The following GPR176 variants were observed in gnomAD, a reference collection of about 807,000 sequenced individuals.
GPR176 encodes G protein-coupled receptor 176.
In GPR176, 26 loss-of-function variants were observed where a neutral mutation model predicts 35.4. The ratio of observed to expected loss-of-function variants is 0.74; its 90% CI spans 0.54 to 1.02. The LOEUF is 1.02. Ranked by LOEUF, GPR176 falls within the 50% of genes least tolerant of loss-of-function variation. The pLI, the probability that GPR176 is intolerant of heterozygous loss-of-function variation, is 0.00. For missense variants in GPR176, 597 were observed against 665.3 expected (o/e 0.90, Z 1.13); for synonymous variants, 278 against 271.3 (o/e 1.02, Z -0.24).
At chr15:39,876,376 C>T (rs2140843925) in intron 1 of GPR176, among the ~76,000 whole-genome samples, 1 of 151,996 alleles carries the variant, frequency 6.6e-6, no homozygotes, top group Middle Eastern at 3.4e-3. Flanking sequence ...AAATCCATTG[C>T]TACTACCCTC....
intron 1 of GPR176, among the ~76,000 whole-genome samples, chr15:39,812,795 G>A (rs1331857628): frequency 1.3e-5 from 2 of 149,424 alleles, no homozygotes; most frequent in African/African-American, 2.5e-5. Flanking sequence ...AGTCTGGAGT[G>A]CAGTGGCATG....
intron 1 of GPR176, among the ~76,000 whole-genome samples, chr15:39,812,751 T>TG (rs886432987): frequency 6.6e-6 from 1 of 151,878 alleles, no homozygotes; most frequent in East Asian, 1.9e-4. Context: ...CTTTATTTTT[T>TG]TTTTTTTTGA....
At chr15:39,822,901 A>C (rs1900371402) in intron 1 of GPR176, among the ~76,000 whole-genome samples, 1 of 152,212 alleles carries the variant, frequency 6.6e-6, no homozygotes, top group Non-Finnish European at 1.5e-5. Flanking sequence ...ACTGAGGGCT[A>C]GGCCTATGGG....
chr15:39,804,210 T>C (rs1416350422), intron 2 of GPR176, among the ~76,000 whole-genome samples: 2 of 152,168 alleles, frequency 1.3e-5, no homozygotes, highest in African/African-American at 4.8e-5. Context: ...AATAATGTTC[T>C]TAGTGTGTAC....
At chr15:39,835,814 C>T (rs1348616194) in intron 1 of GPR176, among the ~76,000 whole-genome samples, 2 of 151,490 alleles carry the variant, frequency 1.3e-5, no homozygotes, top group African/African-American at 2.4e-5. Context: ...GAGTTTCAGG[C>T]CTGACATGGT....
chr15:39,915,817 T>C (rs922949945), intron 1 of GPR176, among the ~76,000 whole-genome samples: 1 of 152,102 alleles, frequency 6.6e-6, no homozygotes, highest in African/African-American at 2.4e-5. Flanking sequence ...GAGGCAGAGG[T>C]TGCAGTGAGC....
rs1187682020 is a variant in GPR176, at chr15:39,919,902, T to A, written c.125A>T (p.Gln42Leu). The A allele has an allele frequency of 3.4e-5, 52 of 1,524,696 alleles. No homozygotes were observed. In the Admixed American group the frequency reaches 5.8e-4, roughly 17 times the overall value. The allele number at this position is 1,524,696 out of a possible 1,614,324, so 94.4% of individuals were successfully genotyped here. A position where few individuals can be genotyped will look rare whatever the true frequency, so the allele number is the denominator to read the frequency against. The change falls in exon 1 of 3, where the codon CAG (glutamine) becomes CTG (leucine). Residue 42 changes from glutamine (Q) to leucine (L), a missense_variant. Around this residue, in one of 3 missense-constraint regions of GPR176, gnomAD observed 126 missense variants for 112.4 expected, o/e 1.12. Coordinates refer to ENST00000561100, the MANE Select transcript of GPR176 (RefSeq NM_007223.3). ...GEFGEAQLYR[Q>L]FTTTVQVVIF... ...GACGACCTGCACGGTGGTGGTGAAC[T>A]GGCGGTACAGCTGCGCCTCGCCGAA...
intron 1 of GPR176, among the ~76,000 whole-genome samples, chr15:39,907,946 C>A (rs993417708): frequency 1.3e-5 from 2 of 152,180 alleles, no homozygotes; most frequent in Non-Finnish European, 2.9e-5. Flanking sequence ...GATCATGCCA[C>A]TGCACTCCAG....
At chr15:39,841,427 T>C (rs1464536500) in intron 1 of GPR176, among the ~76,000 whole-genome samples, 2 of 151,166 alleles carry the variant, frequency 1.3e-5, no homozygotes, top group African/African-American at 4.9e-5. Context: ...GAGAGAATTA[T>C]GGTGGGCCCT....
At chr15:39,820,967 G>A (rs931495856) in intron 1 of GPR176, among the ~76,000 whole-genome samples, 38 of 152,206 alleles carry the variant, frequency 2.5e-4, no homozygotes, top group African/African-American at 7.5e-4. Flanking sequence ...CATTAGTCAC[G>A]TTGCTGAAAA....
At chr15:39,901,692 G>A (rs1452097701) in intron 1 of GPR176, among the ~76,000 whole-genome samples, 4 of 152,024 alleles carry the variant, frequency 2.6e-5, no homozygotes, top group African/African-American at 7.3e-5. Flanking sequence ...TCATCTCCAC[G>A]GACACTAAGA....
intron 1 of GPR176, among the ~76,000 whole-genome samples, chr15:39,889,085 C>T (rs1352389787): frequency 6.6e-6 from 1 of 152,168 alleles, no homozygotes. Context: ...CTTTATCTAC[C>T]ATGAGTTTCC....
chr15:39,873,307 A>C (rs1221148351), intron 1 of GPR176, among the ~76,000 whole-genome samples: 2 of 152,180 alleles, frequency 1.3e-5, no homozygotes, highest in Non-Finnish European at 2.9e-5. Context: ...TCCAAAGCCC[A>C]AATTTTTACT....
intron 1 of GPR176, among the ~76,000 whole-genome samples, chr15:39,878,614 A>G (rs1426027804): frequency 6.6e-6 from 1 of 152,184 alleles, no homozygotes; most frequent in African/African-American, 2.4e-5. Context: ...AGAGATACCA[A>G]TTTTATTTCC....
At chr15:39,856,883 T>A (rs1038872941) in intron 1 of GPR176, among the ~76,000 whole-genome samples, 1 of 152,210 alleles carries the variant, frequency 6.6e-6, no homozygotes, top group Admixed American at 6.5e-5. Context: ...GTGTTCCATA[T>A]GTATTTATTG....
At chr15:39,816,780 T>C (rs918617217) in intron 1 of GPR176, among the ~76,000 whole-genome samples, 5 of 152,058 alleles carry the variant, frequency 3.3e-5, no homozygotes, top group Non-Finnish European at 7.4e-5. Flanking sequence ...ACCAGCCAGG[T>C]GTGGTGGCTC....
At chr15:39,913,014 A>AG (rs994227259) in intron 1 of GPR176, among the ~76,000 whole-genome samples, 1 of 152,248 alleles carries the variant, frequency 6.6e-6, no homozygotes, top group African/African-American at 2.4e-5. Context: ...GTAAATATTC[A>AG]GAGCAGCATT....
At chr15:39,835,663 G>A (rs151186435) in intron 1 of GPR176, among the ~76,000 whole-genome samples, 1 of 152,278 alleles carries the variant, frequency 6.6e-6, no homozygotes, top group African/African-American at 2.4e-5. Flanking sequence ...GAAGAAGCTG[G>A]AGAAAGGGCA....
Position 39,801,237 on chromosome 15 carries a change from G to A in GPR176, c.1443C>T (p.Asn481=). The change falls in exon 3 of 3, where the codon AAC becomes AAT. Residue 481 remains asparagine, a synonymous_variant. Coordinates refer to ENST00000561100, the MANE Select transcript of GPR176 (RefSeq NM_007223.3). The part of the protein sequence containing the change: ...SKKRLLPPLG[N]TPEELIQTKV... ...TTGTCTGGATCAGCTCTTCTGGGGTGTTGCCCAAGGGGGGAAGCAGCCGCT... is the reference window on the plus strand; with the variant it reads ...TTGTCTGGATCAGCTCTTCTGGGGTATTGCCCAAGGGGGGAAGCAGCCGCT... 1 of 1,614,148 alleles carries A rather than the reference G, an allele frequency of 6.2e-7. No homozygotes were observed. Among genetic ancestry groups the A allele is most frequent in the South Asian group, 1.1e-5 (1 of 91,082 alleles).
Sources: gnomAD v4.1 joint callset for allele counts (sites outside exome capture counted in the v4.1 genomes callset) on GRCh38, gnomAD v4.1.1 for gene constraint, gnomAD v4.1.1 regional missense constraint, MANE v1.5 for transcripts, NCBI Gene and HGNC (gene_info 2026-07-23, HGNC 2026-07-21) for gene names.